The following KCNIP4 variants were observed in gnomAD, a reference collection of about 807,000 sequenced individuals.
The protein encoded by KCNIP4 is potassium voltage-gated channel interacting protein 4.
A neutral mutation model predicts 34.0 loss-of-function variants in KCNIP4; 12 were observed. That is an observed-to-expected ratio of 0.35 (90% CI 0.23 to 0.57). KCNIP4 has a LOEUF of 0.57. Among genes scored for constraint, KCNIP4 ranks in the 20% least tolerant of loss-of-function variants. KCNIP4 has a pLI of 0.83. For missense variants in KCNIP4, 238 were observed against 311.7 expected (o/e 0.76, Z 1.78); for synonymous variants, 124 against 102.2 (o/e 1.21, Z -1.29).
chr4:21,722,413 C>T (rs1264541177), intron 1 of KCNIP4, among the ~76,000 whole-genome samples: 1 of 151,910 alleles, frequency 6.6e-6, no homozygotes, highest in African/African-American at 2.4e-5. Context: ...AGGTTTTTGG[C>T]CACTGGGTAG....
At chr4:20,943,813 A>G (rs1162113559) in intron 1 of KCNIP4, among the ~76,000 whole-genome samples, 2 of 152,224 alleles carry the variant, frequency 1.3e-5, no homozygotes, top group African/African-American at 2.4e-5. Context: ...TACTAGCTCA[A>G]CAAGGCACTG....
intron 1 of KCNIP4, among the ~76,000 whole-genome samples, chr4:21,683,936 G>A (rs1263040731): frequency 6.6e-6 from 1 of 151,998 alleles, no homozygotes; most frequent in East Asian, 1.9e-4. Flanking sequence ...AAGAATTCAT[G>A]AACACGAAGA....
chr4:21,701,163 C>T (rs1367524457), intron 1 of KCNIP4, among the ~76,000 whole-genome samples: 2 of 151,796 alleles, frequency 1.3e-5, no homozygotes, highest in Admixed American at 6.6e-5. Flanking sequence ...CACAGAACAA[C>T]GAATATAGTA....
At chr4:21,354,179 AGCC>A (rs1209195658) in intron 1 of KCNIP4, among the ~76,000 whole-genome samples, 1 of 152,212 alleles carries the variant, frequency 6.6e-6, no homozygotes, top group Non-Finnish European at 1.5e-5. Flanking sequence ...AACTGGTACC[AGCC>A]ACTGCAAAAA....
chr4:21,765,095 T>C (rs1718319016), intron 1 of KCNIP4, among the ~76,000 whole-genome samples: 1 of 151,786 alleles, frequency 6.6e-6, no homozygotes, highest in African/African-American at 2.4e-5. Flanking sequence ...AATAATAATA[T>C]TAGTACGAAT....
chr4:21,859,936 G>A (rs1322058836), intron 1 of KCNIP4, among the ~76,000 whole-genome samples: 2 of 152,100 alleles, frequency 1.3e-5, no homozygotes, highest in Non-Finnish European at 2.9e-5. Context: ...CACTACTTGG[G>A]AGGCTGAGGT....
At chr4:21,069,609 A>T (rs780315839) in intron 1 of KCNIP4, among the ~76,000 whole-genome samples, 2 of 152,190 alleles carry the variant, frequency 1.3e-5, no homozygotes, top group Non-Finnish European at 2.9e-5. Flanking sequence ...ACATAGGTTA[A>T]AAGCAGATTG....
chr4:20,901,706 A>C (rs1577339232), intron 1 of KCNIP4, among the ~76,000 whole-genome samples: 1 of 152,050 alleles, frequency 6.6e-6, no homozygotes, highest in African/African-American at 2.4e-5. Flanking sequence ...CCTTGGGAAC[A>C]CTCCTTAACT....
intron 1 of KCNIP4, among the ~76,000 whole-genome samples, chr4:21,400,185 C>G (rs574697485): frequency 6.6e-6 from 1 of 152,234 alleles, no homozygotes; most frequent in Non-Finnish European, 1.5e-5. Flanking sequence ...TTCCATTAGG[C>G]ATTTGCAGAC....
chr4:21,515,760 G>C (rs358563), intron 1 of KCNIP4, among the ~76,000 whole-genome samples: 132,968 of 152,268 alleles, frequency 0.87, 58,259 homozygotes, highest in East Asian at 0.99. Context: ...TAGAAAAGGA[G>C]GAGTTTGGTC....
At chr4:21,003,736 T>C (rs548130525) in intron 1 of KCNIP4, among the ~76,000 whole-genome samples, 182 of 152,316 alleles carry the variant, frequency 1.2e-3, no homozygotes, top group African/African-American at 3.8e-3. Flanking sequence ...TTTTATTAAG[T>C]GAAACTGGAT....
chr4:21,283,474 A>G (rs907748741), intron 1 of KCNIP4, among the ~76,000 whole-genome samples: 14 of 151,752 alleles, frequency 9.2e-5, no homozygotes, highest in African/African-American at 2.7e-4. Flanking sequence ...AAAACATACC[A>G]TTATGTTTTC....
At chr4:20,861,119 G>C (rs888575572) in intron 2 of KCNIP4, among the ~76,000 whole-genome samples, 3 of 152,146 alleles carry the variant, frequency 2.0e-5, no homozygotes, top group Non-Finnish European at 4.4e-5. Flanking sequence ...TGCAGCTGAT[G>C]AGTGTGGGCA....
intron 5 of KCNIP4, among the ~76,000 whole-genome samples, chr4:20,740,606 G>A (rs567657155): frequency 6.6e-6 from 1 of 152,286 alleles, no homozygotes; most frequent in Admixed American, 6.5e-5. Flanking sequence ...ACTGATACCA[G>A]CCACTGCAAA....
intron 1 of KCNIP4, among the ~76,000 whole-genome samples, chr4:21,930,877 T>C (rs990461048): frequency 1.3e-5 from 2 of 152,150 alleles, no homozygotes; most frequent in Non-Finnish European, 2.9e-5. Context: ...CCCAGTGAAT[T>C]GCAAGCAGGT....
chr4:21,596,494 T>C (rs1384156652), intron 1 of KCNIP4, among the ~76,000 whole-genome samples: 3 of 152,134 alleles, frequency 2.0e-5, no homozygotes, highest in Admixed American at 6.6e-5. Flanking sequence ...TAACTTGGCA[T>C]GTTGCTAAAG....
chr4:21,185,210 T>C (rs1577850657), intron 1 of KCNIP4, among the ~76,000 whole-genome samples: 1 of 152,264 alleles, frequency 6.6e-6, no homozygotes, highest in Middle Eastern at 3.4e-3. Context: ...TGATGAACGC[T>C]TTCATTTTGG....
intron 1 of KCNIP4, among the ~76,000 whole-genome samples, chr4:20,914,899 C>T (rs528035694): frequency 2.0e-5 from 3 of 152,290 alleles, no homozygotes; most frequent in Admixed American, 1.3e-4. Context: ...AAGAAAGAAA[C>T]CTGCCTTTGC....
intron 1 of KCNIP4, among the ~76,000 whole-genome samples, chr4:21,436,760 C>T (rs1232817723): frequency 1.3e-5 from 2 of 152,108 alleles, no homozygotes. Flanking sequence ...TAGAATATTG[C>T]CTGGCCCAGA....
Sources: allele counts gnomAD v4.1 joint callset (sites outside exome capture counted in the v4.1 genomes callset), GRCh38; gene constraint gnomAD v4.1.1; transcripts MANE v1.5; gene names NCBI Gene and HGNC (gene_info 2026-07-23, HGNC 2026-07-21).